Variants in MYB observed in about 807,000 individuals in gnomAD.
MYB encodes the protein MYB proto-oncogene, transcription factor, also known as transcriptional activator Myb.
In MYB, 28 loss-of-function variants were observed where a neutral mutation model predicts 92.9. The observed-to-expected ratio is 0.30, with a 90% confidence interval of 0.22 to 0.41. The LOEUF is 0.41. MYB is among the 10% of genes least tolerant of loss of function. The pLI is 1.00. For synonymous variants in MYB, 295 were observed against 329.1 expected (o/e 0.90, Z 1.12); for missense variants, 679 against 929.3 (o/e 0.73, Z 3.50).
chr6:135,209,513 C>T lies in MYB; in HGVS notation c.2169+6189C>T, dbSNP rs536878362. ...CCTCCCAAAGTGCTAGGATTACAGG[C>T]GTGAGCTGCCACACCTAGCCAAGAC... On this transcript the variant is annotated intron_variant, in intron 15 of 15. Coordinates refer to ENST00000341911, the MANE Select transcript of MYB (RefSeq NM_001130173.2). 1.4e-4 allele frequency among the ~76,000 whole-genome samples: 21 copies of T among 152,302 alleles called. No homozygotes were observed. The East Asian group carries it at 3.7e-3, about 27-fold the overall frequency.
Position 135,181,446 on chromosome 6 carries a change from G to A in MYB, c.-68G>A, listed in dbSNP as rs998935297. 106 of 1,072,040 alleles carry A rather than the reference G, an allele frequency of 9.9e-5. No individual in the cohort carries two copies. The African/African-American group carries it at 1.7e-3, about 17-fold the overall frequency. 66.4% of individuals were successfully genotyped at this position (1,072,040 alleles called of 1,614,324 possible). ...CCGGGGAGGGACGCAGGCAGGCGGC[G>A]GGCAGCGGGAGGCGGCAGCCCGGTG... is the stretch of plus-strand genomic sequence containing the variant. On this transcript the variant is annotated 5_prime_UTR_variant, in exon 1 of 16. Coordinates refer to ENST00000341911, the MANE Select transcript of MYB (RefSeq NM_001130173.2). The surrounding 1 kb of genome is among the most constrained non-coding windows in gnomAD (Gnocchi z 5.3).
At chr6:135,201,979 A>T (rs1334212229) in intron 14 of MYB, among the ~76,000 whole-genome samples, 3 of 152,150 alleles carry the variant, frequency 2.0e-5, no homozygotes, top group Admixed American at 6.5e-5. Flanking sequence ...TTGTTTTCTC[A>T]TTATTTGAGT....
intron 2 of MYB, among the ~76,000 whole-genome samples, chr6:135,187,189 A>G (rs1472415894): frequency 1.3e-5 from 2 of 152,218 alleles, no homozygotes; most frequent in East Asian, 3.8e-4. Context: ...AAAAGAACTG[A>G]TTAGCTGGAA....
At position 135,196,755 on chromosome 6, in the gene MYB, C is replaced by T. The variant is rs534072550; in HGVS notation, c.1204-206C>T. On this transcript the variant is annotated intron_variant, in intron 9 of 15. Transcript: ENST00000341911. ...AGAGTGTCGGGAGGTCCCTGCAGCA[C>T]ATCAGAGGGCCAGCCTTGAGGCAGC... 1.6e-5 allele frequency: 25 copies of T among 1,524,250 alleles called. No individual in the cohort carries two copies. In the South Asian group the frequency reaches 2.5e-4, roughly 15 times the overall value. 94.4% of individuals were successfully genotyped at this position (1,524,250 alleles called of 1,614,324 possible).
intron 14 of MYB, chr6:135,202,858 T>C: frequency 2.0e-6 from 1 of 488,916 alleles, no homozygotes; most frequent in South Asian, 1.6e-5. Context: ...TTGATAGTTC[T>C]GTACCAATAT....
chr6:135,184,885 C>T (rs1474417828), intron 1 of MYB, among the ~76,000 whole-genome samples: 4 of 152,068 alleles, frequency 2.6e-5, no homozygotes, highest in Non-Finnish European at 5.9e-5. Context: ...TAAACCGTGT[C>T]TGTAAAATTA....
intron 15 of MYB, among the ~76,000 whole-genome samples, chr6:135,206,515 G>T (rs1778960736): frequency 6.6e-6 from 1 of 151,702 alleles, no homozygotes; most frequent in Non-Finnish European, 1.5e-5. Flanking sequence ...GGCCAACATG[G>T]TGAAACTCTG....
chr6:135,206,221 AAAAAAAT>A (rs1457948838), intron 15 of MYB, among the ~76,000 whole-genome samples: 6 of 143,884 alleles, frequency 4.2e-5, no homozygotes, highest in African/African-American at 1.5e-4. Flanking sequence ...AAAAAAAAAA[AAAAAAAT>A]AATAATAATA....
At chr6:135,208,868 T>C (rs1779343548) in intron 15 of MYB, among the ~76,000 whole-genome samples, 1 of 152,188 alleles carries the variant, frequency 6.6e-6, no homozygotes, top group Non-Finnish European at 1.5e-5. Flanking sequence ...AGAATCAAAA[T>C]TGAAACAATT....
At chr6:135,197,401 C>A in intron 10 of MYB, 78 bp downstream of exon 10, 1 of 1,253,466 alleles carries the variant, frequency 8.0e-7, no homozygotes, top group Non-Finnish European at 1.1e-6. Flanking sequence ...ACTAATACTT[C>A]GGAACAAATG....
Position 135,214,702 on chromosome 6 carries a change from A to T in MYB, c.2170-3162A>T, listed in dbSNP as rs1780194343. Among the ~76,000 whole-genome samples, 3 of 152,246 alleles carry T rather than the reference A, an allele frequency of 2.0e-5. No individual in the cohort carries two copies. The South Asian group carries it at 6.2e-4, about 31-fold the overall frequency. The stretch of plus-strand genomic sequence containing the variant: ...TATTAAATGTCACACTGTTGTAGCG[A>T]CTACAAATGCAAGCTCAGTAACTGA... On this transcript the variant is annotated intron_variant, in intron 15 of 15. Coordinates refer to ENST00000341911, the MANE Select transcript of MYB (RefSeq NM_001130173.2).
Position 135,190,398 on chromosome 6 carries a change from A to AT in MYB, c.527+53dup, listed in dbSNP as rs771286525. 21 of 1,401,580 alleles carry AT rather than the reference A, an allele frequency of 1.5e-5. No homozygotes were observed. The East Asian group carries it at 4.4e-4, about 29-fold the overall frequency. 86.8% of individuals were successfully genotyped at this position (1,401,580 alleles called of 1,614,324 possible). A position where few individuals can be genotyped will look rare whatever the true frequency, so the allele number is the denominator to read the frequency against. On this transcript the variant is annotated intron_variant, in intron 5 of 15. Coordinates refer to ENST00000341911, the MANE Select transcript of MYB (RefSeq NM_001130173.2). The surrounding 1 kb of genome is among the most constrained non-coding windows in gnomAD (Gnocchi z 4.5). ...GATCGGGAAGAATGAGGGAGTGGGT[A>AT]TTGAACATTCTGCTTTAAATGTATG...
chr6:135,195,003 C>T, intron 8 of MYB: 1 of 1,339,774 alleles, frequency 7.5e-7, no homozygotes. Context: ...AGCGACTGGG[C>T]AGCCAACTGG....
At position 135,216,346 on chromosome 6, in the gene MYB, G is replaced by A. The variant is rs770341315; in HGVS notation, c.2170-1518G>A. ...TTTTTTTTATTATTTGTATACATTCGTGGGGTACAAGTGTAATTTTGTTAC... is the reference window on the plus strand; with the variant it reads ...TTTTTTTTATTATTTGTATACATTCATGGGGTACAAGTGTAATTTTGTTAC... On this transcript the variant is annotated intron_variant, in intron 15 of 15. Coordinates refer to ENST00000341911, the MANE Select transcript of MYB (RefSeq NM_001130173.2). Among the ~76,000 whole-genome samples the A allele has an allele frequency of 5.9e-5, 9 of 152,108 alleles. No individual in the cohort carries two copies. The East Asian group carries it at 9.7e-4, about 16-fold the overall frequency.
intron 15 of MYB, among the ~76,000 whole-genome samples, chr6:135,211,639 A>T (rs1283836721): frequency 2.0e-5 from 3 of 152,182 alleles, no homozygotes; most frequent in African/African-American, 7.2e-5. Context: ...CCTAGGCTAT[A>T]TGATATAAAC....
chr6:135,215,270 G>T (rs1414958738), intron 15 of MYB, among the ~76,000 whole-genome samples: 2 of 152,154 alleles, frequency 1.3e-5, no homozygotes, highest in African/African-American at 4.8e-5. Flanking sequence ...AAGAAGTCTG[G>T]TGACTCTCAC....
rs1265218053 is a variant in MYB at position 135,182,339 on chromosome 6, T to C, written c.23+803T>C. On this transcript the variant is annotated intron_variant, in intron 1 of 15. Transcript: ENST00000341911. The surrounding 1 kb of genome is among the most constrained non-coding windows in gnomAD (Gnocchi z 5.6). ...GGAAATCCTCGTCCGAACTGTCAGT[T>C]GCTCGTTCCCCAGTCTCCACCGGCC... is the stretch of plus-strand genomic sequence containing the variant. Among the ~76,000 whole-genome samples the C allele has an allele frequency of 6.6e-6, 1 of 152,174 alleles. No individual in the cohort carries two copies. Among genetic ancestry groups the C allele is most frequent in the Non-Finnish European group, 1.5e-5 (1 of 68,016 alleles).
chr6:135,182,720 A>AT lies in MYB; in HGVS notation c.23+1188dup, dbSNP rs1424003607. On this transcript the variant is annotated intron_variant, in intron 1 of 15. Transcript: ENST00000341911. The surrounding 1 kb of genome is among the most constrained non-coding windows in gnomAD (Gnocchi z 5.6). ...CATTCGCCTTTCCTTAGATTGTTTG[A>AT]TTTTCTCCTACTGGTTTGTTGTTGA... Among the ~76,000 whole-genome samples, 31 of 150,758 alleles carry AT rather than the reference A, an allele frequency of 2.1e-4. No individual in the cohort carries two copies. The highest frequency in any genetic ancestry group is 7.3e-4 in the African/African-American group (30 of 40,826).
intron 13 of MYB, chr6:135,200,786 A>G (rs866311331): frequency 7.2e-6 from 2 of 279,312 alleles, no homozygotes; most frequent in Admixed American, 4.9e-5. Flanking sequence ...TAATTGTATT[A>G]AAAAAAGGGA....
Sources: allele counts gnomAD v4.1 joint callset (sites outside exome capture counted in the v4.1 genomes callset), GRCh38; gene constraint gnomAD v4.1.1; non-coding constraint Gnocchi (gnomAD v3.1); transcripts MANE v1.5; gene names NCBI Gene and HGNC (gene_info 2026-07-23, HGNC 2026-07-21).